Variants in GALNTL6 observed in about 807,000 individuals in gnomAD.
GALNTL6 encodes the protein polypeptide N-acetylgalactosaminyltransferase-like 6.
In GALNTL6, 46 loss-of-function variants were observed where a neutral mutation model predicts 73.7. That is an observed-to-expected ratio of 0.62 (90% CI 0.49 to 0.80). The LOEUF (loss-of-function observed/expected upper bound fraction) is 0.80, where lower values mean the gene tolerates loss of function less well. Ranked by LOEUF, GALNTL6 falls within the 30% of genes least tolerant of loss-of-function variation. GALNTL6 has a pLI of 0.00. For synonymous variants in GALNTL6, 259 were observed against 263.7 expected (o/e 0.98, Z 0.17); for missense variants, 604 against 755.0 (o/e 0.80, Z 2.34).
Position 172,864,632 on chromosome 4 carries a change from G to A in GALNTL6, c.924-18158G>A, listed in dbSNP as rs186246851. ...TAATATACAGTCATCTATTTTTAGG[G>A]CTGCTTAAGATAAAATGGGAAAGTG... On this transcript the variant is annotated intron_variant, in intron 7 of 12. Coordinates refer to ENST00000506823, the MANE Select transcript of GALNTL6 (RefSeq NM_001034845.3). Among the ~76,000 whole-genome samples, 13 of 152,092 alleles carry A rather than the reference G, an allele frequency of 8.5e-5. No individual in the cohort carries two copies. In the East Asian group the frequency reaches 2.5e-3, roughly 29 times the overall value.
rs558332801 is a variant in GALNTL6 at position 171,857,588 on chromosome 4, G to C, written c.138+42870G>C. ...TAATCCTTGGAGAGTCTGGAACATA[G>C]TTGATTCATCAAAATGAGAGAAAAA... On this transcript the variant is annotated intron_variant, in intron 2 of 12. Transcript: ENST00000506823. 2.0e-5 allele frequency among the ~76,000 whole-genome samples: 3 copies of C among 152,282 alleles called. No homozygotes were observed. The South Asian group carries it at 6.2e-4, about 32-fold the overall frequency.
At chr4:172,664,293 C>A (rs1731542496) in intron 5 of GALNTL6, among the ~76,000 whole-genome samples, 1 of 152,174 alleles carries the variant, frequency 6.6e-6, no homozygotes, top group South Asian at 2.1e-4. Context: ...TCATGCACTT[C>A]AACATCTACT....
intron 2 of GALNTL6, among the ~76,000 whole-genome samples, chr4:172,211,671 A>G (rs1018724561): frequency 2.0e-5 from 3 of 152,202 alleles, no homozygotes; most frequent in African/African-American, 7.2e-5. Flanking sequence ...AAAATGCCTT[A>G]CATTGGGTAA....
At chr4:172,014,053 A>G (rs965171860) in intron 2 of GALNTL6, among the ~76,000 whole-genome samples, 1 of 152,102 alleles carries the variant, frequency 6.6e-6, no homozygotes, top group Non-Finnish European at 1.5e-5. Flanking sequence ...ACAGGATTTC[A>G]TTCTTTTTTA....
At chr4:172,448,168 A>C (rs141995792) in intron 5 of GALNTL6, among the ~76,000 whole-genome samples, 42 of 152,168 alleles carry the variant, frequency 2.8e-4, no homozygotes, top group African/African-American at 9.4e-4. Flanking sequence ...ATTCATGAAG[A>C]GATCATTGGT....
intron 5 of GALNTL6, among the ~76,000 whole-genome samples, chr4:172,798,126 T>A (rs1308928323): frequency 6.6e-6 from 1 of 152,162 alleles, no homozygotes; most frequent in East Asian, 1.9e-4. Flanking sequence ...ATCATTTAGG[T>A]CCACAGTTCT....
intron 5 of GALNTL6, among the ~76,000 whole-genome samples, chr4:172,629,634 C>T (rs1348398602): frequency 6.6e-6 from 1 of 152,098 alleles, no homozygotes; most frequent in African/African-American, 2.4e-5. Flanking sequence ...TTTCACATTA[C>T]AGTTTCTGCT....
intron 7 of GALNTL6, among the ~76,000 whole-genome samples, chr4:172,833,113 C>G (rs879772163): frequency 6.6e-6 from 1 of 152,038 alleles, no homozygotes; most frequent in African/African-American, 2.4e-5. Context: ...GTGTTACACA[C>G]TAGAACATGG....
intron 3 of GALNTL6, among the ~76,000 whole-genome samples, chr4:172,236,343 A>G (rs1409881824): frequency 6.6e-6 from 1 of 152,074 alleles, no homozygotes; most frequent in African/African-American, 2.4e-5. Context: ...GCGGATCACG[A>G]GGTGAGGAGA....
chr4:171,886,304 C>G (rs1736606685), intron 2 of GALNTL6, among the ~76,000 whole-genome samples: 1 of 151,932 alleles, frequency 6.6e-6, no homozygotes, highest in African/African-American at 2.4e-5. Flanking sequence ...TCAAAGTAAC[C>G]AGTCAATTCA....
intron 2 of GALNTL6, among the ~76,000 whole-genome samples, chr4:171,969,392 C>T (rs998702803): frequency 9.2e-5 from 14 of 152,172 alleles, no homozygotes; most frequent in African/African-American, 3.4e-4. Context: ...GCAAGGATTA[C>T]ATCACCATGT....
At chr4:172,431,504 G>T (rs1431330196) in intron 5 of GALNTL6, among the ~76,000 whole-genome samples, 1 of 152,048 alleles carries the variant, frequency 6.6e-6, no homozygotes, top group African/African-American at 2.4e-5. Flanking sequence ...ATATGTATGT[G>T]TATATTGTGT....
At chr4:172,605,783 C>T (rs1016090431) in intron 5 of GALNTL6, among the ~76,000 whole-genome samples, 1 of 151,804 alleles carries the variant, frequency 6.6e-6, no homozygotes, top group Admixed American at 6.6e-5. Context: ...GGCATGTGGA[C>T]ACATTGAAGA....
intron 5 of GALNTL6, among the ~76,000 whole-genome samples, chr4:172,579,435 C>G (rs1249527559): frequency 6.6e-6 from 1 of 152,092 alleles, no homozygotes; most frequent in East Asian, 1.9e-4. Context: ...GTAAAGTAAG[C>G]CTTCCACATA....
chr4:171,909,037 T>G (rs996169334), intron 2 of GALNTL6, among the ~76,000 whole-genome samples: 2 of 150,814 alleles, frequency 1.3e-5, no homozygotes, highest in African/African-American at 4.9e-5. Context: ...GAGATATACC[T>G]AATGCTAGAT....
rs115266737 is a variant in GALNTL6 at position 172,314,417 on chromosome 4, G to A, written c.386+2665G>A. ...GATCTTATTCTAAAGCATACTAGCCGGACTTATGCCATGTGATAAACTATT... is the reference window on the plus strand; with the variant it reads ...GATCTTATTCTAAAGCATACTAGCCAGACTTATGCCATGTGATAAACTATT... On this transcript the variant is annotated intron_variant, in intron 4 of 12. Transcript: ENST00000506823. Among the ~76,000 whole-genome samples, 1,112 of 151,854 alleles carry A rather than the reference G, an allele frequency of 7.3e-3. 13 individuals carry two copies. The highest frequency in any genetic ancestry group is 0.025 in the African/African-American group (1,049 of 41,388).
intron 5 of GALNTL6, among the ~76,000 whole-genome samples, chr4:172,440,972 G>A (rs1731816786): frequency 6.6e-6 from 1 of 151,856 alleles, no homozygotes; most frequent in African/African-American, 2.4e-5. Flanking sequence ...AATAGTTGTA[G>A]AGTGTTGAGT....
chr4:172,265,538 G>T (rs1738421604), intron 3 of GALNTL6, among the ~76,000 whole-genome samples: 2 of 151,948 alleles, frequency 1.3e-5, no homozygotes, highest in South Asian at 4.1e-4. Flanking sequence ...TTCATCTTCA[G>T]GTTCTCTTGG....
At chr4:171,828,283 G>A (rs1355437868) in intron 2 of GALNTL6, among the ~76,000 whole-genome samples, 2 of 152,166 alleles carry the variant, frequency 1.3e-5, no homozygotes, top group East Asian at 1.9e-4. Context: ...GGAGAAGTGA[G>A]CAGTTCATCT....
Sources: allele counts gnomAD v4.1 joint callset (sites outside exome capture counted in the v4.1 genomes callset), GRCh38; gene constraint gnomAD v4.1.1; transcripts MANE v1.5; gene names NCBI Gene and HGNC (gene_info 2026-07-23, HGNC 2026-07-21).